CNKSR1: variants seen among roughly 807,000 people sequenced by gnomAD.
CNKSR1 encodes the protein connector enhancer of kinase suppressor of Ras 1.
A neutral mutation model predicts 95.6 loss-of-function variants in CNKSR1; 88 were observed. The ratio of observed to expected loss-of-function variants is 0.92; its 90% CI spans 0.78 to 1.10. CNKSR1 has a LOEUF of 1.10. Among genes scored for constraint, CNKSR1 ranks in the 50% least tolerant of loss-of-function variants. The pLI is 0.00. For missense variants in CNKSR1, 836 were observed against 912.0 expected (o/e 0.92, Z 1.07); for synonymous variants, 355 against 369.7 (o/e 0.96, Z 0.46).
intron 1 of CNKSR1, among the ~76,000 whole-genome samples, chr1:26,179,724 C>A (rs544309449): frequency 2.0e-5 from 3 of 152,320 alleles, no homozygotes; most frequent in East Asian, 3.9e-4. Flanking sequence ...GGGCACAGAG[C>A]AGTGCTATTA....
chr1:26,188,579 C>T lies in CNKSR1; in HGVS notation c.1591-19C>T. ...GGAGCTCAGACAGAAACCCTCTGTGCTTTCCACCCTGCCTGCAGCCCAGCC... is the reference window on the plus strand; with the variant it reads ...GGAGCTCAGACAGAAACCCTCTGTGTTTTCCACCCTGCCTGCAGCCCAGCC... On this transcript the variant is annotated intron_variant, in intron 18 of 20. Transcript: ENST00000361530. 6.2e-7 allele frequency: 1 copy of T among 1,613,200 alleles called. No individual in the cohort carries two copies. The highest frequency in any genetic ancestry group is 8.5e-7 in the Non-Finnish European group (1 of 1,179,596).
At position 26,189,312 on chromosome 1, in the gene CNKSR1, G is replaced by C; in HGVS notation, c.1906G>C (p.Val636Leu). The C allele has an allele frequency of 1.2e-6, 2 of 1,614,180 alleles. No individual in the cohort carries two copies. The highest frequency in any genetic ancestry group is 3.3e-4 in the Middle Eastern group (2 of 6,062). The change falls in exon 21 of 21, where the codon GTG becomes CTG. Residue 636 changes from valine (V) to leucine (L), a missense_variant. Coordinates refer to ENST00000361530, the MANE Select transcript of CNKSR1 (RefSeq NM_006314.3). ...GCAGGAGCTGCAGGTCCTAGAAGAA[G>C]TGCTGGGTGACCCTGAGCTGACAGG... ...KLQELQVLEE[V>L]LGDPELTGEK... is the part of the protein sequence containing the mutation.
At chr1:26,185,603 A>C (rs558348870) in intron 14 of CNKSR1, among the ~76,000 whole-genome samples, 54 of 152,170 alleles carry the variant, frequency 3.5e-4, no homozygotes, top group African/African-American at 1.3e-3. Context: ...CGTGTTAGCC[A>C]GGATGGTCTC....
At chr1:26,185,675 A>T (rs1451205494) in intron 14 of CNKSR1, among the ~76,000 whole-genome samples, 1 of 151,954 alleles carries the variant, frequency 6.6e-6, no homozygotes, top group Non-Finnish European at 1.5e-5. Context: ...TACAGGCGTG[A>T]GCCACCACAC....
intron 4 of CNKSR1, 86 bp from the exon 5 acceptor site, chr1:26,182,275 C>T (rs545535415): frequency 5.8e-5 from 80 of 1,372,016 alleles, no homozygotes; most frequent in Non-Finnish European, 7.1e-5. Context: ...AGGGACTGTA[C>T]GGAATCCCAC....
Position 26,180,845 on chromosome 1 carries a change from C to T in CNKSR1, c.341C>T (p.Ala114Val). Reference protein sequence around the residue: ...CAKTPIDVLCAAVELLHEADA... With the variant: ...CAKTPIDVLCVAVELLHEADA... ...AAGACCCCTATTGATGTCCTCTGTGCAGCTGTGGAGCTGTTGCATGAAGCT... is the reference window on the plus strand; with the variant it reads ...AAGACCCCTATTGATGTCCTCTGTGTAGCTGTGGAGCTGTTGCATGAAGCT... Residue 114 changes from alanine (A) to valine (V), a missense_variant, in exon 3 of 21, where the codon GCA (alanine) becomes GTA (valine). Coordinates refer to ENST00000361530, the MANE Select transcript of CNKSR1 (RefSeq NM_006314.3). 6.2e-7 allele frequency: 1 copy of T among 1,614,242 alleles called. No individual in the cohort carries two copies. Among genetic ancestry groups the T allele is most frequent in the South Asian group, 1.1e-5 (1 of 91,088 alleles).
At position 26,187,200 on chromosome 1, in the gene CNKSR1, CAA is replaced by C. The variant is rs756046774; in HGVS notation, c.1342_1343del (p.Asn448LeufsTer2). 1.2e-6 allele frequency: 2 copies of C among 1,614,068 alleles called. No homozygotes were observed. The highest frequency in any genetic ancestry group is 1.7e-6 in the Non-Finnish European group (2 of 1,179,976). ...AGGCTGAGGGCCTCATCAATGTCTC[CAA>C]CTATAGTCTGGAAAGTGGACATGAT... ...EKAEGLINVS[N>X]YSLESGHDQK... On this transcript the variant is annotated frameshift_variant, in exon 15 of 21. Transcript: ENST00000361530. LOFTEE classifies it high-confidence loss of function.
chr1:26,183,657 G>A (rs1280774444), intron 8 of CNKSR1, 72 bp from the exon 9 acceptor site: 23 of 1,198,412 alleles, frequency 1.9e-5, no homozygotes, highest in Non-Finnish European at 2.9e-5. Flanking sequence ...CTCCCAGCAC[G>A]AGGGTGAGAG....
rs2088663342 is a variant in CNKSR1 at position 26,182,460 on chromosome 1, A to C, written c.520-20A>C. On this transcript the variant is annotated intron_variant, in intron 5 of 20. Coordinates refer to ENST00000361530, the MANE Select transcript of CNKSR1 (RefSeq NM_006314.3). ...AGGGGCGATCGGGCTCAGGCTACAT[A>C]GCCCGCTCCCCTCCCCCAGTGCAGC... 1 of 1,613,678 alleles carries C rather than the reference A, an allele frequency of 6.2e-7. No individual in the cohort carries two copies. Among genetic ancestry groups the C allele is most frequent in the Non-Finnish European group, 8.5e-7 (1 of 1,179,682 alleles).
At chr1:26,182,755 GCAC>G (rs943446561) in intron 6 of CNKSR1, among the ~76,000 whole-genome samples, 171 bp downstream of exon 6, 1 of 152,176 alleles carries the variant, frequency 6.6e-6, no homozygotes, top group Non-Finnish European at 1.5e-5. Flanking sequence ...CCGTTGCTCT[GCAC>G]CTCCCCAGTC....
At chr1:26,184,962 CG>C in intron 13 of CNKSR1, 51 bp from the exon 14 acceptor site, 2 of 1,527,848 alleles carry the variant, frequency 1.3e-6, no homozygotes, top group Non-Finnish European at 8.8e-7. Context: ...GTAGGTTTAG[CG>C]GGGGCACCTT....
rs770969546 is a variant in CNKSR1 at position 26,184,304 on chromosome 1, A to C, written c.1000+17A>C. On this transcript the variant is annotated intron_variant, in intron 11 of 20. Transcript: ENST00000361530. ...CCTGGACAGGTAGTCTCAAAGCTCCATGGATGCCCCGGACACGGCATCTGG... is the reference window on the plus strand; with the variant it reads ...CCTGGACAGGTAGTCTCAAAGCTCCCTGGATGCCCCGGACACGGCATCTGG... 1.2e-5 allele frequency: 19 copies of C among 1,612,304 alleles called. No individual in the cohort carries two copies. Among genetic ancestry groups the C allele is most frequent in the Middle Eastern group, 1.6e-4 (1 of 6,076 alleles).
Position 26,182,497 on chromosome 1 carries a change from G to C in CNKSR1, c.537G>C (p.Gly179=). 1 of 1,614,070 alleles carries C rather than the reference G, an allele frequency of 6.2e-7. No individual in the cohort carries two copies. Among genetic ancestry groups the C allele is most frequent in the Non-Finnish European group, 8.5e-7 (1 of 1,179,986 alleles). The change falls in exon 6 of 21, where the codon GGG becomes GGC. Residue 179 remains glycine, a synonymous_variant. Coordinates refer to ENST00000361530, the MANE Select transcript of CNKSR1 (RefSeq NM_006314.3). The part of the protein sequence containing the change: ...TVLRICSHVA[G]ICHNILVCCP... ...TCCCCCAGTGCAGCCACGTGGCTGGGATCTGCCACAACATCCTGGTCTGCT... is the reference window on the plus strand; with the variant it reads ...TCCCCCAGTGCAGCCACGTGGCTGGCATCTGCCACAACATCCTGGTCTGCT...
At chr1:26,183,147 T>C (rs190330811) in intron 6 of CNKSR1, 50 bp from the exon 7 acceptor site, 1 of 1,574,022 alleles carries the variant, frequency 6.4e-7, no homozygotes, top group African/African-American at 1.3e-5. Context: ...TCCTGCCTAT[T>C]GGCCCTGTTG....
rs35307485 is a variant in CNKSR1, at chr1:26,187,620, C to CTTT, written c.1454+156_1454+158dup. ...GGTCAAGATACTCACTTCTCTTTCT[C>CTTT]TTTTTTTTTTTTTTTTTTTTGAGAC... On this transcript the variant is annotated intron_variant, in intron 16 of 20. Coordinates refer to ENST00000361530, the MANE Select transcript of CNKSR1 (RefSeq NM_006314.3). 281 of 463,028 alleles carry CTTT rather than the reference C, an allele frequency of 6.1e-4. 1 individual carries two copies. The highest frequency in any genetic ancestry group is 8.4e-4 in the Non-Finnish European group (220 of 262,444). The allele number at this position is 463,028 out of a possible 1,614,324, so 28.7% of individuals were successfully genotyped here. A position where few individuals can be genotyped will look rare whatever the true frequency, so the allele number is the denominator to read the frequency against.
chr1:26,187,620 CTTT>C (rs35307485), intron 16 of CNKSR1, 138 bp downstream of exon 16: 6,128 of 447,152 alleles, frequency 0.014, no homozygotes, highest in East Asian at 0.033. Context: ...TTCTCTTTCT[CTTT>C]TTTTTTTTTT....
intron 8 of CNKSR1, 95 bp downstream of exon 8, chr1:26,183,509 G>C: frequency 5.1e-6 from 7 of 1,381,860 alleles, no homozygotes; most frequent in Non-Finnish European, 7.1e-6. Context: ...TCTGACCAGG[G>C]TTGTGGGAGC....
At chr1:26,180,656 G>T in intron 2 of CNKSR1, 46 bp downstream of exon 2, 1 of 1,614,060 alleles carries the variant, frequency 6.2e-7, no homozygotes, top group Non-Finnish European at 8.5e-7. Flanking sequence ...ACCAACCTGG[G>T]GGGTGTGATG....
At chr1:26,178,058 G>A (rs565740374) in intron 1 of CNKSR1, among the ~76,000 whole-genome samples, 1 of 152,302 alleles carries the variant, frequency 6.6e-6, no homozygotes, top group African/African-American at 2.4e-5. Flanking sequence ...TCCAGGAACC[G>A]TGCTGGGCAG....
Sources: allele counts gnomAD v4.1 joint callset (sites outside exome capture counted in the v4.1 genomes callset), GRCh38; gene constraint gnomAD v4.1.1; transcripts MANE v1.5; gene names NCBI Gene and HGNC (gene_info 2026-07-23, HGNC 2026-07-21).